Variants in SAMD3 observed in about 807,000 individuals in gnomAD.
SAMD3 encodes the protein sterile alpha motif domain-containing protein 3.
A neutral mutation model predicts 58.5 loss-of-function variants in SAMD3; 63 were observed. The observed-to-expected ratio is 1.08, with a 90% CI of 0.88 to 1.33. The LOEUF (loss-of-function observed/expected upper bound fraction) is 1.33, where lower values mean the gene tolerates loss of function less well. Ranked by LOEUF, SAMD3 falls within the 40% of genes most tolerant of loss-of-function variation. SAMD3 has a pLI of 0.00. For synonymous variants in SAMD3, 220 were observed against 210.3 expected, an observed-to-expected ratio of 1.05 and a Z score of -0.40; for missense variants, 604 against 608.4, an observed-to-expected ratio of 0.99 and a Z score of 0.08.
At chr6:130,209,293 C>T (rs998884537) in intron 5 of SAMD3, among the ~76,000 whole-genome samples, 4 of 152,180 alleles carry the variant, frequency 2.6e-5, no homozygotes, top group African/African-American at 9.7e-5. Flanking sequence ...CATTCTAAAA[C>T]TTCACTTTTC....
At chr6:130,289,193 G>A (rs1775278666) in intron 2 of SAMD3, among the ~76,000 whole-genome samples, 2 of 152,190 alleles carry the variant, frequency 1.3e-5, no homozygotes, top group Non-Finnish European at 2.9e-5. Flanking sequence ...TAGGCTTTTA[G>A]CATAGACTCA....
chr6:130,226,784 T>A (rs993566498), upstream of SAMD3, among the ~76,000 whole-genome samples: 10 of 152,022 alleles, frequency 6.6e-5, no homozygotes, highest in Non-Finnish European at 1.5e-4. Flanking sequence ...GCCGAGATCA[T>A]GCCATTGCAC....
intron 1 of SAMD3, among the ~76,000 whole-genome samples, chr6:130,364,594 T>C (rs1453530618): frequency 6.6e-6 from 1 of 151,950 alleles, no homozygotes; most frequent in African/African-American, 2.4e-5. Flanking sequence ...ATTGAGCAGG[T>C]GGCTGTGGGC....
intron 2 of SAMD3, among the ~76,000 whole-genome samples, chr6:130,276,694 TTCACTGA>T (rs1399646150): frequency 6.5e-4 from 99 of 152,144 alleles, no homozygotes; most frequent in Admixed American, 2.1e-3. Context: ...ATAAAACCAA[TTCACTGA>T]GACTGCAGGA....
intron 2 of SAMD3, among the ~76,000 whole-genome samples, chr6:130,311,583 G>C (rs747252879): frequency 1.3e-5 from 2 of 152,214 alleles, no homozygotes; most frequent in Non-Finnish European, 2.9e-5. Flanking sequence ...ACATCTGCCA[G>C]ACTACTGCTT....
chr6:130,246,377 A>C (rs1435443670), intron 2 of SAMD3, among the ~76,000 whole-genome samples: 1 of 152,262 alleles, frequency 6.6e-6, no homozygotes, highest in Admixed American at 6.5e-5. Flanking sequence ...GTAACCACAC[A>C]AAAGAGGAAT....
chr6:130,179,901 G>A (rs369263830), intron 7 of SAMD3, among the ~76,000 whole-genome samples: 1 of 138,344 alleles, frequency 7.2e-6, no homozygotes, highest in Non-Finnish European at 1.5e-5. Context: ...TGCAACCTCT[G>A]CCTCCTGGGT....
intron 1 of SAMD3, among the ~76,000 whole-genome samples, chr6:130,313,294 G>A (rs1039285519): frequency 6.6e-6 from 1 of 152,106 alleles, no homozygotes; most frequent in African/African-American, 2.4e-5. Context: ...GTTGTGTGGC[G>A]CTGGCCTGTG....
intron 1 of SAMD3, among the ~76,000 whole-genome samples, chr6:130,319,811 TA>T (rs1384673650): frequency 6.6e-6 from 1 of 152,176 alleles, no homozygotes; most frequent in Admixed American, 6.5e-5. Flanking sequence ...TTTTAATGTG[TA>T]AGTTTAACAT....
At chr6:130,343,766 A>G (rs1041653709) in intron 1 of SAMD3, among the ~76,000 whole-genome samples, 5 of 152,014 alleles carry the variant, frequency 3.3e-5, no homozygotes, top group African/African-American at 1.2e-4. Flanking sequence ...GGGGTTTGAG[A>G]CCAGCCTAGC....
intron 9 of SAMD3, among the ~76,000 whole-genome samples, chr6:130,152,427 AGCACTTTGGGAG>A (rs1256674475): frequency 6.6e-6 from 1 of 152,176 alleles, no homozygotes; most frequent in African/African-American, 2.4e-5. Context: ...CTGTAATCCC[AGCACTTTGGGAG>A]GCTGAGGCAG....
chr6:130,184,087 C>T lies in SAMD3; in HGVS notation c.654+16G>A, dbSNP rs76822577. 8.8e-4 allele frequency: 1,417 copies of T among 1,602,196 alleles called. 8 individuals are homozygous for T. In the African/African-American group the frequency reaches 0.016, roughly 18 times the overall value. On this transcript the variant is annotated intron_variant, in intron 7 of 11. Coordinates refer to ENST00000439090, the MANE Select transcript of SAMD3 (RefSeq NM_001017373.4). ...ATAGTCTGAAATTAACAGGATGGTG[C>T]CATGTGGTCACTTACGAAGCCACAG...
chr6:130,355,808 A>C (rs991130536), intron 1 of SAMD3, among the ~76,000 whole-genome samples: 9 of 152,288 alleles, frequency 5.9e-5, no homozygotes, highest in African/African-American at 1.2e-4. Flanking sequence ...CCACAAGAAG[A>C]AGCAGGAGTA....
intron 1 of SAMD3, among the ~76,000 whole-genome samples, chr6:130,341,670 G>C (rs1210343256): frequency 6.6e-6 from 1 of 152,182 alleles, no homozygotes; most frequent in Non-Finnish European, 1.5e-5. Flanking sequence ...TGACATCCTG[G>C]AATTGGTATA....
At chr6:130,311,907 G>C (rs1274356127) in intron 2 of SAMD3, among the ~76,000 whole-genome samples, 1 of 152,106 alleles carries the variant, frequency 6.6e-6, no homozygotes, top group Non-Finnish European at 1.5e-5. Context: ...GGGGGCCTTT[G>C]ATGAGCCCAA....
intron 2 of SAMD3, among the ~76,000 whole-genome samples, chr6:130,268,382 T>C (rs1167773387): frequency 6.6e-6 from 1 of 152,124 alleles, no homozygotes; most frequent in African/African-American, 2.4e-5. Context: ...TAAGCTAAGG[T>C]TAATATATTG....
At position 130,321,614 on chromosome 6, in the gene SAMD3, C is replaced by T. The variant is rs1016918466; in HGVS notation, c.-303-8521G>A. Among the ~76,000 whole-genome samples the T allele has an allele frequency of 3.9e-5, 6 of 152,096 alleles. No individual in the cohort carries two copies. In the East Asian group the frequency reaches 1.2e-3, roughly 29 times the overall value. On this transcript the variant is annotated intron_variant, in intron 1 of 13. Transcript: ENST00000368134. ...ATTCCCAGTACTCATTGTCCTCTTACCTTGTTTTTTCTCATTCAAGACATT... is the reference window on the plus strand; with the variant it reads ...ATTCCCAGTACTCATTGTCCTCTTATCTTGTTTTTTCTCATTCAAGACATT...
chr6:130,292,049 G>T (rs1407842012), intron 2 of SAMD3, among the ~76,000 whole-genome samples: 2 of 152,102 alleles, frequency 1.3e-5, no homozygotes, highest in Non-Finnish European at 2.9e-5. Context: ...TCAAAACTGT[G>T]AATTTACTAA....
At chr6:130,307,533 C>G (rs1775948420) in intron 2 of SAMD3, among the ~76,000 whole-genome samples, 1 of 152,000 alleles carries the variant, frequency 6.6e-6, no homozygotes, top group African/African-American at 2.4e-5. Flanking sequence ...ATTTAAGAAA[C>G]TTAGGTTTAT....
Sources: allele counts gnomAD v4.1 joint callset (sites outside exome capture counted in the v4.1 genomes callset), GRCh38; gene constraint gnomAD v4.1.1; transcripts MANE v1.5; gene names NCBI Gene and HGNC (gene_info 2026-07-23, HGNC 2026-07-21).